Variants in LRPPRC observed in about 807,000 individuals in gnomAD.
LRPPRC encodes leucine-rich PPR motif-containing protein, mitochondrial.
In LRPPRC, 120 loss-of-function variants were observed where a neutral mutation model predicts 180.3. The ratio of observed to expected loss-of-function variants is 0.67; its 90% CI spans 0.57 to 0.77. The LOEUF is 0.77. Among genes scored for constraint, LRPPRC ranks in the 30% least tolerant of loss-of-function variants. LRPPRC has a pLI of 0.00. For synonymous variants in LRPPRC, 723 were observed against 600.0 expected (o/e 1.21, Z -3.00); for missense variants, 2,012 against 1,657.2 (o/e 1.21, Z -3.72).
At chr2:43,921,653 A>G (rs1193382319) in intron 27 of LRPPRC, among the ~76,000 whole-genome samples, 2 of 152,196 alleles carry the variant, frequency 1.3e-5, no homozygotes, top group Non-Finnish European at 2.9e-5. Context: ...CGTCTGAGAT[A>G]AGCGGTTAGG....
intron 1 of LRPPRC, among the ~76,000 whole-genome samples, chr2:43,994,831 T>C (rs1276296674): frequency 6.6e-6 from 1 of 152,240 alleles, no homozygotes; most frequent in Non-Finnish European, 1.5e-5. Context: ...AACCTATCTC[T>C]GATAAACCTC....
At chr2:43,897,992 T>C (rs1339543403) in intron 34 of LRPPRC, among the ~76,000 whole-genome samples, 1 of 151,360 alleles carries the variant, frequency 6.6e-6, no homozygotes, top group Non-Finnish European at 1.5e-5. Context: ...TTCTTTTTTT[T>C]TTCACCACGT....
At chr2:43,993,601 C>G (rs547724836) in intron 1 of LRPPRC, among the ~76,000 whole-genome samples, 1 of 151,992 alleles carries the variant, frequency 6.6e-6, no homozygotes, top group African/African-American at 2.4e-5. Context: ...TACAGGATGT[C>G]GGGTAGGAGA....
chr2:43,888,659 G>A lies in LRPPRC; in HGVS notation c.4129-3C>T, dbSNP rs1422648563. ...TGTGCATAAAATTCAAAGCTTTCCT[G>A]TTAAGGAGAAAAAAAGAGGGAAGTT... On this transcript the variant is annotated splice_region_variant and splice_polypyrimidine_tract_variant and intron_variant, in intron 37 of 37. Coordinates refer to ENST00000260665, the MANE Select transcript of LRPPRC (RefSeq NM_133259.4). 6 of 1,572,426 alleles carry A rather than the reference G, an allele frequency of 3.8e-6. No homozygotes were observed. The highest frequency in any genetic ancestry group is 2.2e-5 in the East Asian group (1 of 44,666).
intron 2 of LRPPRC, among the ~76,000 whole-genome samples, chr2:43,981,670 A>C (rs949586633): frequency 6.6e-6 from 1 of 152,150 alleles, no homozygotes; most frequent in Non-Finnish European, 1.5e-5. Context: ...AAAAAAAAAA[A>C]ATCTAAAAAT....
chr2:43,943,867 T>C lies in LRPPRC; in HGVS notation c.2324A>G (p.Lys775Arg). 6.2e-7 allele frequency: 1 copy of C among 1,612,970 alleles called. No homozygotes were observed. The highest frequency in any genetic ancestry group is 1.1e-5 in the South Asian group (1 of 91,048). The change falls in exon 23 of 38, where the codon AAA (lysine) becomes AGA (arginine). Residue 775 changes from lysine (K) to arginine (R), a missense_variant. Lys to Arg is a conservative substitution (Grantham distance 26). Coordinates refer to ENST00000260665, the MANE Select transcript of LRPPRC (RefSeq NM_133259.4). Reference sequence around the variant, plus strand: ...ATCTTTGATAAGAACATCCTTCTCTTTCATCTCCTTCAGAATGTTAATAGC... The same window carrying C: ...ATCTTTGATAAGAACATCCTTCTCTCTCATCTCCTTCAGAATGTTAATAGC... ...QDAINILKEM[K>R]EKDVLIKDTT...
chr2:43,941,963 A>G (rs1045205315), intron 23 of LRPPRC, among the ~76,000 whole-genome samples: 5 of 152,192 alleles, frequency 3.3e-5, no homozygotes, highest in African/African-American at 4.8e-5. Flanking sequence ...AGATTTCCTT[A>G]GCTCAATTAG....
At chr2:43,950,463 T>G in intron 15 of LRPPRC, 110 bp downstream of exon 15, 1 of 992,498 alleles carries the variant, frequency 1.0e-6, no homozygotes, top group Non-Finnish European at 1.6e-6. Context: ...CCAGCAAAAT[T>G]TTAGTAGAAA....
At chr2:43,993,738 GA>G (rs35822908) in intron 1 of LRPPRC, among the ~76,000 whole-genome samples, 87,353 of 143,678 alleles carry the variant, frequency 0.61, 26,715 homozygotes, top group Middle Eastern at 0.68. Flanking sequence ...TTCTACTAAA[GA>G]AAAAAAAAAA....
At chr2:43,889,659 A>G (rs1051074334) in intron 37 of LRPPRC, 75 bp downstream of exon 37, 2 of 1,208,948 alleles carry the variant, frequency 1.7e-6, no homozygotes, top group Admixed American at 3.4e-5. Context: ...TCTTCAACTT[A>G]TTTTCTTACA....
rs1559056506 is a variant in LRPPRC, at chr2:43,982,305, A to T, written c.279T>A (p.Ser93=). The change falls in exon 2 of 38, where the codon TCT becomes TCA. Residue 93 remains serine, a synonymous_variant. Coordinates refer to ENST00000260665, the MANE Select transcript of LRPPRC (RefSeq NM_133259.4). The part of the protein sequence containing the change: ...FDWALMRLDL[S]VRRTGRIPKK... ...TTGGAATGCGGCCAGTTCTTCGAAC[A>T]GAAAGATCTAGTCTCATTAGAGCCC... The T allele has an allele frequency of 6.3e-7, 1 of 1,589,882 alleles. No homozygotes were observed. Among genetic ancestry groups the T allele is most frequent in the Non-Finnish European group, 8.6e-7 (1 of 1,169,366 alleles).
At chr2:43,917,721 G>A (rs1471601259) in intron 29 of LRPPRC, among the ~76,000 whole-genome samples, 3 of 152,024 alleles carry the variant, frequency 2.0e-5, no homozygotes, top group South Asian at 2.1e-4. Context: ...CCCAGAAGGC[G>A]GAGCTTGCAG....
At chr2:43,982,456 A>C (rs1217952791) in intron 1 of LRPPRC, 22 bp from the exon 2 acceptor site, 1 of 1,569,750 alleles carries the variant, frequency 6.4e-7, no homozygotes, top group Non-Finnish European at 8.8e-7. Context: ...AACATAATTA[A>C]TAATAATCAG....
At chr2:43,916,142 T>C (rs1671458142) in intron 29 of LRPPRC, among the ~76,000 whole-genome samples, 1 of 152,178 alleles carries the variant, frequency 6.6e-6, no homozygotes. Flanking sequence ...ACCTCAAAAC[T>C]ATCAATACTA....
At chr2:43,935,513 T>C (rs1282908938) in intron 23 of LRPPRC, among the ~76,000 whole-genome samples, 2 of 152,216 alleles carry the variant, frequency 1.3e-5, no homozygotes, top group African/African-American at 2.4e-5. Flanking sequence ...AAATACTTTT[T>C]TCATTAAAGG....
At chr2:43,937,848 G>A (rs1461761567) in intron 23 of LRPPRC, among the ~76,000 whole-genome samples, 1 of 152,092 alleles carries the variant, frequency 6.6e-6, no homozygotes, top group East Asian at 1.9e-4. Context: ...ATCAAAAGGA[G>A]AAAGGTAAAA....
At position 43,888,522 on chromosome 2, in the gene LRPPRC, T is replaced by C; in HGVS notation, c.*78A>G. The C allele has an allele frequency of 3.2e-6, 3 of 923,956 alleles. No homozygotes were observed. The South Asian group carries it at 4.0e-5, about 12-fold the overall frequency. The allele number at this position is 923,956 out of a possible 1,614,324, so 57.2% of individuals were successfully genotyped here. ...ACATAAAGAAAATTTTCATTTATTT[T>C]TCCCTCAGATATACTTCAAAATAAC... On this transcript the variant is annotated 3_prime_UTR_variant, in exon 38 of 38. Transcript: ENST00000260665.
At chr2:43,893,160 G>T (rs553404185) in intron 36 of LRPPRC, among the ~76,000 whole-genome samples, 1 of 152,282 alleles carries the variant, frequency 6.6e-6, no homozygotes, top group East Asian at 1.9e-4. Flanking sequence ...TGTTTCCTAT[G>T]GATGACCAAA....
intron 31 of LRPPRC, chr2:43,904,587 G>A (rs937542440): frequency 2.6e-5 from 4 of 152,182 alleles, no homozygotes; most frequent in Non-Finnish European, 5.9e-5. Context: ...CAGCTACTCA[G>A]GAGGCTGAGG....
Sources: allele counts gnomAD v4.1 joint callset (sites outside exome capture counted in the v4.1 genomes callset), GRCh38; gene constraint gnomAD v4.1.1; transcripts MANE v1.5; gene names NCBI Gene and HGNC (gene_info 2026-07-23, HGNC 2026-07-21).